Variants in RFX6 observed in about 807,000 individuals in gnomAD.
The protein encoded by RFX6 is regulatory factor X6.
A neutral mutation model predicts 110.8 loss-of-function variants in RFX6; 50 were observed. That is an observed-to-expected ratio of 0.45 (90% CI 0.36 to 0.57). The LOEUF (loss-of-function observed/expected upper bound fraction) is 0.57. Ranked by LOEUF, RFX6 falls within the 20% of genes least tolerant of loss-of-function variation. RFX6 has a pLI of 0.00. For missense variants in RFX6, 990 were observed against 1,127.0 expected, an observed-to-expected ratio of 0.88 and a Z score of 1.74; for synonymous variants, 383 against 411.2, an observed-to-expected ratio of 0.93 and a Z score of 0.83.
At chr6:116,908,430 G>C (rs1358793) in intron 6 of RFX6, among the ~76,000 whole-genome samples, 51,958 of 151,780 alleles carry the variant, frequency 0.34, 9,247 homozygotes, top group African/African-American at 0.43. Context: ...AATTACATCA[G>C]TAGCAAATAA....
At chr6:116,896,115 A>G (rs1267258019) in intron 6 of RFX6, among the ~76,000 whole-genome samples, 7 of 152,156 alleles carry the variant, frequency 4.6e-5, no homozygotes, top group Non-Finnish European at 1.0e-4. Context: ...TTAGAGATAC[A>G]CTTTGGTTGA....
intron 16 of RFX6, among the ~76,000 whole-genome samples, chr6:116,926,233 A>G (rs1167950127): frequency 6.6e-6 from 1 of 152,142 alleles, no homozygotes; most frequent in Admixed American, 6.5e-5. Context: ...CCTTGCAGTG[A>G]GCTGAGATCA....
intron 7 of RFX6, among the ~76,000 whole-genome samples, chr6:116,915,448 C>T (rs1335205761): frequency 6.6e-6 from 1 of 152,034 alleles, no homozygotes; most frequent in Non-Finnish European, 1.5e-5. Flanking sequence ...AGCTTGGGAG[C>T]TCAGAGACAA....
intron 1 of RFX6, 72 bp from the exon 2 acceptor site, chr6:116,877,724 A>G (rs985178838): frequency 2.7e-6 from 4 of 1,494,396 alleles, no homozygotes; most frequent in Non-Finnish European, 2.8e-6. Flanking sequence ...TTTGAAGTTA[A>G]GGTACACTTA....
chr6:116,925,734 A>C, intron 16 of RFX6, 75 bp downstream of exon 16: 1 of 932,088 alleles, frequency 1.1e-6, no homozygotes, highest in African/African-American at 1.6e-5. Flanking sequence ...TAAAACTCAT[A>C]ACTTCCAGTC....
chr6:116,922,058 G>T lies in RFX6; in HGVS notation c.1344G>T (p.Val448=), dbSNP rs568350048. 1.1e-5 allele frequency: 16 copies of T among 1,418,336 alleles called. No individual in the cohort carries two copies. The highest frequency in any genetic ancestry group is 1.5e-5 in the Non-Finnish European group (15 of 1,010,854). 87.9% of individuals were successfully genotyped at this position (1,418,336 alleles called of 1,614,324 possible). Reference sequence around the variant, plus strand: ...CCTGGGTAGATGACTCTATCACTGTGTTCCAAGAACTGAAGGATCTCCTTA... The same window carrying T: ...CCTGGGTAGATGACTCTATCACTGTTTTCCAAGAACTGAAGGATCTCCTTA... ...GIYTEHDSIT[V]FQELKDLLKK... The change falls in exon 13 of 19, where the codon GTG becomes GTT. Residue 448 remains valine, a synonymous_variant. Transcript: ENST00000332958.
chr6:116,915,237 AAAAG>A (rs1239433852), intron 7 of RFX6, among the ~76,000 whole-genome samples: 4 of 152,202 alleles, frequency 2.6e-5, no homozygotes, highest in African/African-American at 7.2e-5. Context: ...TGGTAACTTG[AAAAG>A]AGAGACTTTT....
intron 6 of RFX6, among the ~76,000 whole-genome samples, chr6:116,899,796 A>G (rs1212228260): frequency 6.6e-6 from 1 of 152,202 alleles, no homozygotes; most frequent in Non-Finnish European, 1.5e-5. Flanking sequence ...GCAGTTTAAG[A>G]CATTTCATAG....
chr6:116,887,640 T>C (rs1196501550), intron 4 of RFX6, among the ~76,000 whole-genome samples: 1 of 152,240 alleles, frequency 6.6e-6, no homozygotes, highest in East Asian at 1.9e-4. Flanking sequence ...TTTATGGTTA[T>C]GAATACATTG....
In RFX6 at chr6:116,916,047, T is replaced by A; in HGVS notation, c.820T>A (p.Cys274Ser). Reference sequence around the variant, plus strand: ...AATGATGTACAAAACTCACTGCCAGTGTATCCTGGACAATGCAATTAATGG... The same window carrying A: ...AATGATGTACAAAACTCACTGCCAGAGTATCCTGGACAATGCAATTAATGG... ...LIMMYKTHCQ[C>S]ILDNAINGNF... Residue 274 changes from cysteine to serine, a missense_variant, in exon 8 of 19, where the codon TGT becomes AGT. Around this residue, in one of 5 missense-constraint regions of RFX6, gnomAD observed 243 missense variants for 353.1 expected, o/e 0.69. Coordinates refer to ENST00000332958, the MANE Select transcript of RFX6 (RefSeq NM_173560.4). 6.2e-7 allele frequency: 1 copy of A among 1,612,336 alleles called. No individual in the cohort carries two copies. The highest frequency in any genetic ancestry group is 1.1e-5 in the South Asian group (1 of 91,046).
At position 116,925,473 on chromosome 6, in the gene RFX6, A is replaced by C. The variant is rs1204050039; in HGVS notation, c.1699A>C (p.Thr567Pro). ...KNSDASKAAF[T>P]ASPSSCFLAN... ...TCCAGATGCGAGTAAAGCTGCTTTC[A>C]CTGCTTCTCCGAGTTCATGCTTTCT... The change falls in exon 16 of 19, where the codon ACT becomes CCT. Residue 567 changes from threonine (T) to proline (P), a missense_variant. Coordinates refer to ENST00000332958, the MANE Select transcript of RFX6 (RefSeq NM_173560.4). 6 of 1,614,004 alleles carry C rather than the reference A, an allele frequency of 3.7e-6. No individual in the cohort carries two copies.
At chr6:116,925,796 T>C (rs1401327666) in intron 16 of RFX6, 137 bp downstream of exon 16, 3 of 684,456 alleles carry the variant, frequency 4.4e-6, no homozygotes, top group Admixed American at 4.9e-5. Flanking sequence ...TTAATAAAGA[T>C]TTATAATATT....
In RFX6 at chr6:116,927,444, A is replaced by G. The variant is rs1775770666; in HGVS notation, c.2303A>G (p.Asn768Ser). The G allele has an allele frequency of 1.9e-6, 3 of 1,614,130 alleles. No individual in the cohort carries two copies. Among genetic ancestry groups the G allele is most frequent in the Admixed American group, 1.7e-5 (1 of 60,024 alleles). ...GPSLQAQDSH[N>S]MQFLNTGSFN... is the part of the protein sequence containing the mutation. ...TCCCTGCAAGCCCAGGATTCACACA[A>G]TATGCAGTTTTTAAATACAGGAAGC... The change falls in exon 17 of 19, where the codon AAT becomes AGT. Residue 768 changes from asparagine (N) to serine (S), a missense_variant. Asn to Ser is a conservative substitution (Grantham distance 46, BLOSUM62 1). This residue lies in a region of RFX6 where 438 missense variants were observed against 441.9 expected (regional missense o/e 0.99). Transcript: ENST00000332958.
intron 17 of RFX6, among the ~76,000 whole-genome samples, chr6:116,927,743 CTTTT>C (rs60638457): frequency 5.4e-4 from 65 of 119,512 alleles, no homozygotes; most frequent in African/African-American, 1.9e-3. Context: ...GCCCTTCTTC[CTTTT>C]TTTTTTTTTT....
intron 2 of RFX6, among the ~76,000 whole-genome samples, chr6:116,878,771 A>T (rs1238351416): frequency 6.6e-6 from 1 of 151,916 alleles, no homozygotes; most frequent in Non-Finnish European, 1.5e-5. Context: ...TTTTGTGTAA[A>T]GTATGATCTA....
At chr6:116,925,765 A>C in intron 16 of RFX6, 106 bp downstream of exon 16, 1 of 766,596 alleles carries the variant, frequency 1.3e-6, no homozygotes, top group Non-Finnish European at 2.2e-6. Context: ...AACAATAAAA[A>C]AGGATGATCT....
chr6:116,930,204 G>A (rs1436258233), intron 18 of RFX6, among the ~76,000 whole-genome samples: 2 of 152,206 alleles, frequency 1.3e-5, no homozygotes. Context: ...AGGGTAAAAT[G>A]AGGGGATAGA....
rs1229596530 is a variant in RFX6 at position 116,910,947 on chromosome 6, C to A, written c.685C>A (p.Arg229Ser). The change falls in exon 7 of 19, where the codon CGT (arginine) becomes AGT (serine). Residue 229 changes from arginine (R) to serine (S), a missense_variant. By Grantham distance (110) the Arg-to-Ser change is moderately radical. Coordinates refer to ENST00000332958, the MANE Select transcript of RFX6 (RefSeq NM_173560.4). ...SKLKNEGGFTRKYSLSSKTGT... is the reference protein window; with the variant it reads ...SKLKNEGGFTSKYSLSSKTGT... ...TTCTAAATTATAGGGTGGCTTCACT[C>A]GTAAATATTCGCTTAGCTCAAAAAC... is the stretch of plus-strand genomic sequence containing the variant. 1 of 1,612,426 alleles carries A rather than the reference C, an allele frequency of 6.2e-7. No homozygotes were observed. Among genetic ancestry groups the A allele is most frequent in the South Asian group, 1.1e-5 (1 of 91,050 alleles).
intron 4 of RFX6, among the ~76,000 whole-genome samples, chr6:116,883,044 T>C (rs1774624551): frequency 6.6e-6 from 1 of 152,162 alleles, no homozygotes; most frequent in Non-Finnish European, 1.5e-5. Flanking sequence ...CGTACTGTGT[T>C]TTCAGTTTCT....
Sources: gnomAD v4.1 joint callset for allele counts (sites outside exome capture counted in the v4.1 genomes callset) on GRCh38, gnomAD v4.1.1 for gene constraint, gnomAD v4.1.1 regional missense constraint, MANE v1.5 for transcripts, NCBI Gene and HGNC (gene_info 2026-07-23, HGNC 2026-07-21) for gene names.